Variants in SASH1 observed in about 807,000 individuals in gnomAD.
The protein encoded by SASH1 is SAM and SH3 domain-containing protein 1.
In SASH1, 44 loss-of-function variants were observed where a neutral mutation model predicts 125.2. The observed-to-expected ratio is 0.35, with a 90% confidence interval of 0.28 to 0.45. SASH1 has a LOEUF of 0.45. SASH1 is among the 20% of genes least tolerant of loss of function. The pLI is 1.00. For synonymous variants in SASH1, 639 were observed against 649.1 expected (o/e 0.98, Z 0.24); for missense variants, 1,426 against 1,614.5 (o/e 0.88, Z 2.00).
chr6:148,363,382 T>C (rs1782322653), intron 1 of SASH1, among the ~76,000 whole-genome samples: 2 of 152,012 alleles, frequency 1.3e-5, no homozygotes, highest in African/African-American at 4.8e-5. Context: ...GCTCCAATGA[T>C]GCGCCTGCCT....
intron 2 of SASH1, among the ~76,000 whole-genome samples, chr6:148,397,166 T>G (rs1036729806): frequency 6.6e-6 from 1 of 152,110 alleles, no homozygotes; most frequent in Non-Finnish European, 1.5e-5. Context: ...CACTCACACT[T>G]CATGATTACT....
In SASH1 at chr6:148,272,723, T is replaced by C. The variant is rs191460844; in HGVS notation, n.74+346T>C. ...TAAAGACCAGAGCTTTTCCAGCCTC[T>C]ACTTATCTATGAAAACTTTTTTAAA... is the stretch of plus-strand genomic sequence containing the variant. On this transcript the variant is annotated intron_variant and non_coding_transcript_variant, in intron 1 of 3. Transcript: ENST00000367469. Among the ~76,000 whole-genome samples, 27 of 152,342 alleles carry C rather than the reference T, an allele frequency of 1.8e-4. No individual in the cohort carries two copies. The East Asian group carries it at 5.2e-3, about 29-fold the overall frequency.
intron 2 of SASH1, among the ~76,000 whole-genome samples, chr6:148,414,988 T>A (rs911143387): frequency 6.6e-6 from 1 of 152,198 alleles, no homozygotes; most frequent in African/African-American, 2.4e-5. Flanking sequence ...GTTAATACAT[T>A]TCTCAAGAGG....
At chr6:148,508,816 GGGGGT>G in intron 8 of SASH1, 1 of 820,250 alleles carries the variant, frequency 1.2e-6, no homozygotes, top group Non-Finnish European at 1.7e-6. Flanking sequence ...GAGTGGGGAG[GGGGGT>G]GGGAGGTACA....
chr6:148,504,069 A>AT (rs1779669041), intron 8 of SASH1, among the ~76,000 whole-genome samples: 1 of 152,324 alleles, frequency 6.6e-6, no homozygotes, highest in South Asian at 2.1e-4. Context: ...CAATGCCAAT[A>AT]TATGTGTGAA....
At position 148,549,402 on chromosome 6, in the gene SASH1, T is replaced by C. The variant is rs1469650459; in HGVS notation, c.*844T>C. The C allele has an allele frequency of 1.0e-5, 4 of 385,746 alleles. No individual in the cohort carries two copies. Among genetic ancestry groups the C allele is most frequent in the East Asian group, 7.3e-5 (2 of 27,426 alleles). 23.9% of individuals were successfully genotyped at this position (385,746 alleles called of 1,614,324 possible). A position where few individuals can be genotyped will look rare whatever the true frequency, so the allele number is the denominator to read the frequency against. ...AGCTATCTGAAATTCACAAATATCA[T>C]GTGTGTGCGTGCGTGCGTGCGCGTG... On this transcript the variant is annotated 3_prime_UTR_variant, in exon 20 of 20. Coordinates refer to ENST00000367467, the MANE Select transcript of SASH1 (RefSeq NM_015278.5).
chr6:148,214,291 T>C, the SASH1 span, among the ~76,000 whole-genome samples: 1 of 152,204 alleles, frequency 6.6e-6, no homozygotes, highest in Non-Finnish European at 1.5e-5. Context: ...ACAAAATGCT[T>C]ATATGCCCCT....
the SASH1 span, among the ~76,000 whole-genome samples, chr6:148,244,747 C>T: frequency 1.2e-3 from 188 of 152,218 alleles, 3 homozygotes; most frequent in African/African-American, 4.3e-3. Context: ...GCTGTGCTGC[C>T]GGCCACAGGG....
Position 148,326,376 on chromosome 6 carries a change from A to ATACATTCTTTTCTTTTCTT in SASH1, n.74+54000_74+54001insACATTCTTTTCTTTTCTTT, listed in dbSNP as rs1582968893. ...TATATATGCATATATATATATATAC[A>ATACATTCTTTTCTTTTCTT]TTCTTTTCTTTTCTTTTCTTTTCTT... On this transcript the variant is annotated intron_variant and non_coding_transcript_variant, in intron 1 of 3. Transcript: ENST00000367469. 7.8e-5 allele frequency among the ~76,000 whole-genome samples: 3 copies of ATACATTCTTTTCTTTTCTT among 38,314 alleles called. No individual in the cohort carries two copies. In the Admixed American group the frequency reaches 1.3e-3, roughly 17 times the overall value. 25.1% of individuals were successfully genotyped at this position (38,314 alleles called of 152,430 possible).
At chr6:148,461,576 C>T (rs768410796) in intron 4 of SASH1, among the ~76,000 whole-genome samples, 18 of 152,218 alleles carry the variant, frequency 1.2e-4, no homozygotes, top group East Asian at 3.9e-4. Context: ...CTGCACCTGC[C>T]GGATTCTGAG....
chr6:148,538,095 T>G (rs1416044865), intron 16 of SASH1, among the ~76,000 whole-genome samples: 1 of 152,152 alleles, frequency 6.6e-6, no homozygotes, highest in Admixed American at 6.5e-5. Flanking sequence ...TTCTCCCTAA[T>G]GAAGACAGCG....
At position 148,495,669 on chromosome 6, in the gene SASH1, A is replaced by G. The variant is rs1338999507; in HGVS notation, c.729+7954A>G. ...TTCCCAGCAATCTAAAAAAATGTGT[A>G]CAATTTTTATAGTTTTGCTGACTTG... On this transcript the variant is annotated intron_variant, in intron 8 of 19. Coordinates refer to ENST00000367467, the MANE Select transcript of SASH1 (RefSeq NM_015278.5). This position sits in a 1 kb window ranked among gnomAD's most constrained non-coding sequence, Gnocchi z 4.0. 6.6e-6 allele frequency among the ~76,000 whole-genome samples: 1 copy of G among 152,182 alleles called. No individual in the cohort carries two copies.
At position 148,365,393 on chromosome 6, in the gene SASH1, GATCAA is replaced by G. The variant is rs559545500; in HGVS notation, c.156+22173_156+22177del. 6.0e-5 allele frequency among the ~76,000 whole-genome samples: 9 copies of G among 150,284 alleles called. No homozygotes were observed. The South Asian group carries it at 1.9e-3, about 32-fold the overall frequency. ...CTGATGGCCATTTTTTGTTTTATTG[GATCAA>G]ATTCTTTTACTATCTTTTTTTTTTT... is the stretch of plus-strand genomic sequence containing the variant. On this transcript the variant is annotated intron_variant, in intron 1 of 19. Coordinates refer to ENST00000367467, the MANE Select transcript of SASH1 (RefSeq NM_015278.5).
chr6:148,313,788 G>A (rs1019421154), intron 1 of SASH1, among the ~76,000 whole-genome samples: 4 of 152,100 alleles, frequency 2.6e-5, no homozygotes, highest in Non-Finnish European at 2.9e-5. Flanking sequence ...TCCTTCTGGC[G>A]GAGAAGTGGG....
Position 148,544,649 on chromosome 6 carries a change from G to A in SASH1, c.3179G>A (p.Trp1060Ter). 6.2e-7 allele frequency: 1 copy of A among 1,613,404 alleles called. No individual in the cohort carries two copies. Among genetic ancestry groups the A allele is most frequent in the Non-Finnish European group, 8.5e-7 (1 of 1,179,796 alleles). The stretch of plus-strand genomic sequence containing the variant: ...CCACCAAGCACAAGGCCGCCCCCCT[G>A]GCTCTCAGAGCTCCCCGAGAACACA... ...GSPPSTRPPPWLSELPENTSL... is the reference protein window; with the variant it reads ...GSPPSTRPPP The change falls in exon 18 of 20, where the codon TGG becomes TAG. Residue 1060 changes from tryptophan (W) to a stop codon, truncating the protein, a stop_gained. Transcript: ENST00000367467. LOFTEE classifies it high-confidence loss of function. The surrounding 1 kb of genome is among the most constrained non-coding windows in gnomAD (Gnocchi z 6.4).
chr6:148,387,552 C>CCTTTCTTTCTTTTCTCTTTCTTTCTTT (rs1783434837), intron 1 of SASH1, among the ~76,000 whole-genome samples: 1 of 115,948 alleles, frequency 8.6e-6, no homozygotes, highest in Non-Finnish European at 1.8e-5. Flanking sequence ...CTTTTCTTTT[C>CCTTTCTTTCTTTTCTCTTTCTTTCTTT]CTTTCTTTCT....
At chr6:148,364,279 A>G (rs925596226) in intron 1 of SASH1, among the ~76,000 whole-genome samples, 7 of 152,134 alleles carry the variant, frequency 4.6e-5, no homozygotes, top group African/African-American at 1.7e-4. Flanking sequence ...GTTGAGATCG[A>G]GAAGGAAGAT....
chr6:148,283,478 C>T (rs1201337814), intron 1 of SASH1: 1 of 152,034 alleles, frequency 6.6e-6, no homozygotes, highest in Non-Finnish European at 1.5e-5. Context: ...ATAGAAAGAA[C>T]AAGAGTATTC....
At chr6:148,489,340 G>C (rs1322998740) in intron 8 of SASH1, among the ~76,000 whole-genome samples, 2 of 152,056 alleles carry the variant, frequency 1.3e-5, no homozygotes, top group Non-Finnish European at 2.9e-5. Context: ...CTGTCATTTT[G>C]CTAGTACAAT....
Sources: allele counts gnomAD v4.1 joint callset (sites outside exome capture counted in the v4.1 genomes callset), GRCh38; gene constraint gnomAD v4.1.1; non-coding constraint Gnocchi (gnomAD v3.1); transcripts MANE v1.5; gene names NCBI Gene and HGNC (gene_info 2026-07-23, HGNC 2026-07-21).